The following ST7 variants were observed in gnomAD, a reference collection of about 807,000 sequenced individuals.
ST7 encodes suppression of tumorigenicity 7, also known as suppressor of tumorigenicity 7 protein.
ST7 carries 28 observed loss-of-function variants against 78.7 expected under a neutral mutation model. The ratio of observed to expected loss-of-function variants is 0.36; its 90% CI spans 0.26 to 0.49. ST7 has a LOEUF of 0.49. Ranked by LOEUF, ST7 falls within the 20% of genes least tolerant of loss-of-function variation. ST7 has a pLI of 0.99. For synonymous variants in ST7, 247 were observed against 249.6 expected (o/e 0.99, Z 0.10); for missense variants, 418 against 696.0 (o/e 0.60, Z 4.49).
chr7:117,053,632 C>G (rs746034397), intron 1 of ST7, among the ~76,000 whole-genome samples: 2 of 152,176 alleles, frequency 1.3e-5, no homozygotes, highest in African/African-American at 4.8e-5. Flanking sequence ...TTCTGGCCAC[C>G]CTTCAGTCAG....
At chr7:117,072,330 ATCT>A (rs1240571705) in intron 1 of ST7, 1 of 152,202 alleles carries the variant, frequency 6.6e-6, no homozygotes, top group Non-Finnish European at 1.5e-5. Context: ...ATAGTATCAC[ATCT>A]TCTGAATGGC....
At chr7:117,047,189 C>T (rs1797535339) in intron 1 of ST7, among the ~76,000 whole-genome samples, 1 of 152,110 alleles carries the variant, frequency 6.6e-6, no homozygotes, top group African/African-American at 2.4e-5. Context: ...ATGGGTTCAT[C>T]CTTCAGAGTG....
chr7:117,193,150 T>TACAC lies in ST7; in HGVS notation c.1254+2243_1254+2246dup, dbSNP rs137866535. Among the ~76,000 whole-genome samples, 247 of 144,972 alleles carry TACAC rather than the reference T, an allele frequency of 1.7e-3. 1 individual carries two copies. Among genetic ancestry groups the TACAC allele is most frequent in the South Asian group, 3.8e-3 (17 of 4,504 alleles). ...GCTCTAAATATCTAACTTTAGCAGA[T>TACAC]ACACACACACACACACACACACACA... On this transcript the variant is annotated intron_variant, in intron 12 of 15. Coordinates refer to ENST00000323984, the MANE Select transcript of ST7 (RefSeq NM_001369598.1).
intron 12 of ST7, among the ~76,000 whole-genome samples, chr7:117,201,827 G>A (rs913984015): frequency 2.6e-5 from 4 of 151,858 alleles, no homozygotes; most frequent in Admixed American, 6.6e-5. Context: ...AGGCCATCTC[G>A]ACTCCATGAC....
At chr7:117,083,814 G>A (rs1203400593) in intron 1 of ST7, among the ~76,000 whole-genome samples, 1 of 151,948 alleles carries the variant, frequency 6.6e-6, no homozygotes, top group Non-Finnish European at 1.5e-5. Flanking sequence ...AGCTAGGCCA[G>A]GTGCAGAGAT....
intron 12 of ST7, 51 bp from the exon 13 acceptor site, chr7:117,209,736 T>C (rs1225346986): frequency 1.9e-6 from 3 of 1,578,332 alleles, no homozygotes; most frequent in South Asian, 2.3e-5. Context: ...CAATACTGAA[T>C]TCTAAATTAC....
intron 9 of ST7, among the ~76,000 whole-genome samples, chr7:117,164,295 A>C (rs1364025919): frequency 6.6e-6 from 1 of 151,618 alleles, no homozygotes; most frequent in Non-Finnish European, 1.5e-5. Flanking sequence ...ATATTCATAC[A>C]CAAAAGAATA....
chr7:117,167,137 C>T (rs906037980), intron 9 of ST7, among the ~76,000 whole-genome samples: 9 of 150,800 alleles, frequency 6.0e-5, no homozygotes, highest in East Asian at 5.9e-4. Flanking sequence ...TAGTTACATA[C>T]GTATACATGT....
intron 1 of ST7, among the ~76,000 whole-genome samples, chr7:117,095,072 T>G (rs2116734760): frequency 6.6e-6 from 1 of 152,280 alleles, no homozygotes; most frequent in Non-Finnish European, 1.5e-5. Context: ...CTGCCTTACC[T>G]CCTTCATTCG....
chr7:117,021,488 A>G (rs1795911908), intron 1 of ST7, among the ~76,000 whole-genome samples: 1 of 152,240 alleles, frequency 6.6e-6, no homozygotes, highest in South Asian at 2.1e-4. Context: ...TAGAGCATTA[A>G]ATATTGGCAA....
chr7:117,075,528 C>T (rs1453724527), intron 1 of ST7, among the ~76,000 whole-genome samples: 1 of 152,182 alleles, frequency 6.6e-6, no homozygotes, highest in Admixed American at 6.5e-5. Context: ...CCATCCACTC[C>T]TCTGGATGTC....
chr7:116,965,809 C>A, intron 1 of ST7: 1 of 165,452 alleles, frequency 6.0e-6, no homozygotes. Context: ...CTAAAGAGAA[C>A]CTAAATTCAA....
intron 10 of ST7, among the ~76,000 whole-genome samples, chr7:117,180,397 C>T (rs1246898751): frequency 6.6e-6 from 1 of 152,158 alleles, no homozygotes; most frequent in African/African-American, 2.4e-5. Flanking sequence ...GTATAAATCT[C>T]ACTTGCTAAA....
chr7:117,153,799 A>T (rs576836987), intron 9 of ST7, among the ~76,000 whole-genome samples: 29 of 152,238 alleles, frequency 1.9e-4, no homozygotes, highest in Non-Finnish European at 2.8e-4. Flanking sequence ...TATCTCCCGA[A>T]TGTGAGGTAA....
chr7:116,991,004 T>C (rs1794401807), intron 1 of ST7, among the ~76,000 whole-genome samples: 1 of 152,192 alleles, frequency 6.6e-6, no homozygotes, highest in African/African-American at 2.4e-5. Flanking sequence ...CTGAGAGGCC[T>C]TCCATATGCC....
At chr7:117,001,513 G>A (rs1167808733) in intron 1 of ST7, among the ~76,000 whole-genome samples, 1 of 152,162 alleles carries the variant, frequency 6.6e-6, no homozygotes, top group African/African-American at 2.4e-5. Flanking sequence ...CTAGTAGTTA[G>A]TAAGGTGATA....
chr7:117,057,318 A>T (rs999893485), intron 1 of ST7, among the ~76,000 whole-genome samples: 1 of 152,162 alleles, frequency 6.6e-6, no homozygotes, highest in Non-Finnish European at 1.5e-5. Context: ...CCCAGTATAA[A>T]ACTAAAACTA....
chr7:117,158,502 A>T (rs1268921644), intron 9 of ST7, among the ~76,000 whole-genome samples: 1 of 152,246 alleles, frequency 6.6e-6, no homozygotes, highest in East Asian at 1.9e-4. Context: ...TTTAGTTCTC[A>T]ATGATGGATG....
chr7:117,011,882 A>G (rs560939493), intron 1 of ST7, among the ~76,000 whole-genome samples: 4 of 152,250 alleles, frequency 2.6e-5, no homozygotes, highest in African/African-American at 9.6e-5. Context: ...AAATTCTTTG[A>G]GAGGTGGGTG....
Sources: gnomAD v4.1 joint callset for allele counts (sites outside exome capture counted in the v4.1 genomes callset) on GRCh38, gnomAD v4.1.1 for gene constraint, MANE v1.5 for transcripts, NCBI Gene and HGNC (gene_info 2026-07-23, HGNC 2026-07-21) for gene names.